Variants in WDR59 observed in about 807,000 individuals in gnomAD.
WDR59 encodes the protein WD repeat domain 59.
In WDR59, 100 loss-of-function variants were observed where a neutral mutation model predicts 131.2. The observed-to-expected ratio is 0.76, with a 90% confidence interval of 0.65 to 0.90. The LOEUF is 0.90. Among genes scored for constraint, WDR59 ranks in the 40% least tolerant of loss-of-function variants. The pLI, the probability that WDR59 is intolerant of heterozygous loss-of-function variation, is 0.00. For synonymous variants in WDR59, 601 were observed against 466.2 expected, an observed-to-expected ratio of 1.29 and a Z score of -3.72; for missense variants, 1,203 against 1,262.2, an observed-to-expected ratio of 0.95 and a Z score of 0.71.
chr16:74,938,028 G>T, intron 8 of WDR59, 122 bp downstream of exon 8: 1 of 636,292 alleles, frequency 1.6e-6, no homozygotes, highest in Non-Finnish European at 2.5e-6. Flanking sequence ...TGCCCAAGAA[G>T]CACATGCACC....
At chr16:74,922,420 C>T (rs1459467445) in intron 9 of WDR59, among the ~76,000 whole-genome samples, 3 of 152,206 alleles carry the variant, frequency 2.0e-5, no homozygotes, top group African/African-American at 7.2e-5. Flanking sequence ...AGCTACTCTC[C>T]ATGAGTTACC....
chr16:74,897,717 C>T (rs555575915), intron 18 of WDR59, among the ~76,000 whole-genome samples: 19 of 152,270 alleles, frequency 1.2e-4, no homozygotes, highest in Non-Finnish European at 2.5e-4. Flanking sequence ...AAAGCAATTA[C>T]GGGACAGTGC....
At chr16:74,937,756 C>T (rs1456028043) in intron 8 of WDR59, among the ~76,000 whole-genome samples, 2 of 152,206 alleles carry the variant, frequency 1.3e-5, no homozygotes, top group Admixed American at 6.5e-5. Context: ...CCTGCCTCAG[C>T]CTCCCAAAGT....
intron 23 of WDR59, among the ~76,000 whole-genome samples, chr16:74,886,793 C>A (rs540643628): frequency 4.1e-4 from 62 of 151,894 alleles, no homozygotes; most frequent in African/African-American, 1.4e-3. Context: ...CGTACTGGTG[C>A]GTGCCTGCAA....
chr16:74,943,735 C>T (rs932261752), intron 6 of WDR59, among the ~76,000 whole-genome samples: 2 of 152,252 alleles, frequency 1.3e-5, no homozygotes, highest in South Asian at 2.1e-4. Context: ...ACTGAGGAAG[C>T]CCATAGTAGA....
intron 20 of WDR59, among the ~76,000 whole-genome samples, chr16:74,890,979 T>C (rs1965014807): frequency 6.6e-6 from 1 of 152,066 alleles, no homozygotes; most frequent in Non-Finnish European, 1.5e-5. Flanking sequence ...CTGGGCATGG[T>C]GGCACACGCC....
chr16:74,941,660 C>A (rs1012959416), intron 7 of WDR59, among the ~76,000 whole-genome samples: 2 of 151,262 alleles, frequency 1.3e-5, no homozygotes, highest in African/African-American at 4.9e-5. Flanking sequence ...CCACTGTACT[C>A]CAGCCTGGAC....
At chr16:74,927,558 A>G (rs2145031061) in intron 8 of WDR59, among the ~76,000 whole-genome samples, 1 of 141,956 alleles carries the variant, frequency 7.0e-6, no homozygotes, top group Middle Eastern at 3.5e-3. Flanking sequence ...ACTGCACTCC[A>G]GCCTGGGCAA....
At chr16:74,960,657 A>G (rs909947879) in intron 2 of WDR59, among the ~76,000 whole-genome samples, 1 of 151,766 alleles carries the variant, frequency 6.6e-6, no homozygotes, top group Non-Finnish European at 1.5e-5. Flanking sequence ...AGGCATGAAA[A>G]TCGCTTGAAC....
At chr16:74,932,430 TACACACACACAC>T (rs34468583) in intron 8 of WDR59, among the ~76,000 whole-genome samples, 32 of 144,206 alleles carry the variant, frequency 2.2e-4, no homozygotes, top group African/African-American at 6.4e-4. Flanking sequence ...ACATAATTTT[TACACACACACAC>T]ACACACACAC....
At chr16:74,958,306 T>C (rs2033389982) in intron 2 of WDR59, among the ~76,000 whole-genome samples, 1 of 151,834 alleles carries the variant, frequency 6.6e-6, no homozygotes, top group African/African-American at 2.4e-5. Flanking sequence ...GAAAGCTAAA[T>C]AGGCCAGGCA....
chr16:74,883,231 G>A (rs906033742), intron 25 of WDR59, among the ~76,000 whole-genome samples: 1 of 151,808 alleles, frequency 6.6e-6, no homozygotes, highest in Admixed American at 6.6e-5. Flanking sequence ...CACCATGTCG[G>A]CCAGGATGGT....
At chr16:74,882,651 T>C (rs1181229513) in intron 25 of WDR59, among the ~76,000 whole-genome samples, 4 of 151,582 alleles carry the variant, frequency 2.6e-5, no homozygotes, top group Non-Finnish European at 5.9e-5. Context: ...GTAGTATCTC[T>C]ACTAAAAATA....
rs763073514 is a variant in WDR59 at position 74,888,180 on chromosome 16, G to A, written c.2335C>T (p.His779Tyr). 2 of 1,606,486 alleles carry A rather than the reference G, an allele frequency of 1.2e-6. No homozygotes were observed. Among genetic ancestry groups the A allele is most frequent in the South Asian group, 2.2e-5 (2 of 89,560 alleles). Residue 779 changes from histidine (H) to tyrosine (Y), a missense_variant, in exon 22 of 26, where the codon CAT (histidine) becomes TAT (tyrosine). Coordinates refer to ENST00000262144, the MANE Select transcript of WDR59 (RefSeq NM_030581.4). ...PNRSSNLVVS[H>Y]SRYPSFTSSG... is the part of the protein sequence containing the mutation. ...AAGGACAAACTTACATATCGACTATGGGACACCACAAGATTAGAAGAACGG... is the reference window on the plus strand; with the variant it reads ...AAGGACAAACTTACATATCGACTATAGGACACCACAAGATTAGAAGAACGG...
intron 18 of WDR59, among the ~76,000 whole-genome samples, chr16:74,897,990 C>T (rs557187893): frequency 6.6e-6 from 1 of 152,258 alleles, no homozygotes; most frequent in Admixed American, 6.5e-5. Context: ...GGTCTTAGGC[C>T]TTTGCTGCTA....
chr16:74,881,058 C>T (rs1173893983), intron 25 of WDR59, among the ~76,000 whole-genome samples: 1 of 152,170 alleles, frequency 6.6e-6, no homozygotes, highest in Non-Finnish European at 1.5e-5. Flanking sequence ...CTTTGCTCTG[C>T]CACCATTAAG....
chr16:74,951,516 A>C lies in WDR59; in HGVS notation c.268T>G (p.Trp90Gly). 1 of 1,601,230 alleles carries C rather than the reference A, an allele frequency of 6.2e-7. No individual in the cohort carries two copies. The highest frequency in any genetic ancestry group is 8.5e-7 in the Non-Finnish European group (1 of 1,174,400). The change falls in exon 4 of 26, where the codon TGG (tryptophan) becomes GGG (glycine). Residue 90 changes from tryptophan (W) to glycine (G), a missense_variant. Physicochemically the swap from Trp to Gly is radical, Grantham distance 184 (BLOSUM62 -2). Transcript: ENST00000262144. ...SSNQRVDLYK[W>G]KDGSGEVGTT... Reference sequence around the variant, plus strand: ...CCAACTTCCCCACTGCCGTCTTTCCACTTGTAAAGGTCTACTCGTTGGTTA... The same window carrying C: ...CCAACTTCCCCACTGCCGTCTTTCCCCTTGTAAAGGTCTACTCGTTGGTTA...
chr16:74,893,289 T>C (rs1403490265), intron 19 of WDR59, among the ~76,000 whole-genome samples: 1 of 152,170 alleles, frequency 6.6e-6, no homozygotes, highest in Non-Finnish European at 1.5e-5. Flanking sequence ...GTGTGAGCCA[T>C]TCCTGCTGGT....
At chr16:74,956,879 T>G (rs1283466967) in intron 2 of WDR59, among the ~76,000 whole-genome samples, 1 of 152,060 alleles carries the variant, frequency 6.6e-6, no homozygotes, top group African/African-American at 2.4e-5. Flanking sequence ...TGGATTCACC[T>G]CCAACCTGCC....
Sources: allele counts gnomAD v4.1 joint callset (sites outside exome capture counted in the v4.1 genomes callset), GRCh38; gene constraint gnomAD v4.1.1; transcripts MANE v1.5; gene names NCBI Gene and HGNC (gene_info 2026-07-23, HGNC 2026-07-21).